Variants in IRGM observed in about 807,000 individuals in gnomAD.
IRGM encodes the protein immunity related GTPase M, also known as immunity-related GTPase family M protein.
For missense variants in IRGM, 288 were observed against 219.9 expected (o/e 1.31, Z -1.96); for synonymous variants, 98 against 80.6 (o/e 1.22, Z -1.16).
At chr5:150,878,689 AT>A (rs1269325704) in intron 2 of IRGM, among the ~76,000 whole-genome samples, 1 of 152,026 alleles carries the variant, frequency 6.6e-6, no homozygotes, top group Non-Finnish European at 1.5e-5. Flanking sequence ...GTGCATCCAA[AT>A]ATGTATATTT....
chr5:150,900,664 G>GTACT (rs1457381915), exon 4 of IRGM: 1 of 151,886 alleles, frequency 6.6e-6, no homozygotes, highest in Non-Finnish European at 1.5e-5. Context: ...CATATACTGG[G>GTACT]TACTTAAGAA....
chr5:150,868,586 G>T (rs1236794461), intron 1 of IRGM, among the ~76,000 whole-genome samples: 1 of 152,088 alleles, frequency 6.6e-6, no homozygotes, highest in African/African-American at 2.4e-5. Flanking sequence ...TCACAATATT[G>T]ATTCCAGCCA....
At chr5:150,896,645 A>T in intron 3 of IRGM, 1 of 1,613,558 alleles carries the variant, frequency 6.2e-7, no homozygotes, top group Non-Finnish European at 8.5e-7. Context: ...TCGGTAGGTC[A>T]ATATTTGGTT....
chr5:150,869,264 T>C (rs1178096449), intron 1 of IRGM, among the ~76,000 whole-genome samples: 1 of 152,204 alleles, frequency 6.6e-6, no homozygotes. Flanking sequence ...TAATTCTGTT[T>C]ATGTGGTGTA....
At chr5:150,851,398 A>T (rs1021887050), downstream of IRGM, among the ~76,000 whole-genome samples, 1 of 152,228 alleles carries the variant, frequency 6.6e-6, no homozygotes, top group Non-Finnish European at 1.5e-5. Flanking sequence ...GCAATTTAGC[A>T]TAAATAAGAG....
chr5:150,876,170 G>A (rs1196318540), intron 1 of IRGM, among the ~76,000 whole-genome samples: 2 of 152,214 alleles, frequency 1.3e-5, no homozygotes, highest in African/African-American at 4.8e-5. Flanking sequence ...CCAACTATGT[G>A]ACAATACTTT....
chr5:150,881,641 A>G (rs1397830421), intron 3 of IRGM, among the ~76,000 whole-genome samples: 1 of 152,186 alleles, frequency 6.6e-6, no homozygotes, highest in East Asian at 1.9e-4. Context: ...GTTAAAAGAT[A>G]AAATTATTAA....
intron 3 of IRGM, among the ~76,000 whole-genome samples, chr5:150,890,673 G>A (rs1259972213): frequency 1.3e-5 from 2 of 151,884 alleles, no homozygotes; most frequent in African/African-American, 4.8e-5. Context: ...TTTTCATTAA[G>A]TTCAAAATGC....
chr5:150,883,988 A>G (rs552133263), intron 3 of IRGM, among the ~76,000 whole-genome samples: 1 of 152,184 alleles, frequency 6.6e-6, no homozygotes, highest in East Asian at 1.9e-4. Flanking sequence ...AAAAATCCTC[A>G]ACAAAATACC....
intron 3 of IRGM, among the ~76,000 whole-genome samples, chr5:150,888,519 C>T (rs1304143835): frequency 6.6e-6 from 1 of 152,014 alleles, no homozygotes; most frequent in Non-Finnish European, 1.5e-5. Flanking sequence ...CTTCTCATTG[C>T]CACATGGTGC....
intron 1 of IRGM, among the ~76,000 whole-genome samples, chr5:150,874,175 A>G (rs779911176): frequency 6.6e-6 from 1 of 152,228 alleles, no homozygotes; most frequent in Non-Finnish European, 1.5e-5. Flanking sequence ...TAGCAAGGCC[A>G]GCAATATCCT....
Position 150,895,615 on chromosome 5 carries a change from T to C in IRGM, c.*141-4974T>C. 6.2e-7 allele frequency: 1 copy of C among 1,613,392 alleles called. No individual in the cohort carries two copies. On this transcript the variant is annotated intron_variant and NMD_transcript_variant, in intron 3 of 3. Transcript: ENST00000520549. ...ATGTAAGGTTTCTCTCCTGTATGAA[T>C]TCGCTGGTGTCCCGGAAGGTGGGAC...
In IRGM at chr5:150,848,283, C is replaced by A; in HGVS notation, c.160C>A (p.Arg54=). 6.4e-7 allele frequency: 1 copy of A among 1,551,802 alleles called. No individual in the cohort carries two copies. The highest frequency in any genetic ancestry group is 8.7e-7 in the Non-Finnish European group (1 of 1,146,988). ...NGMSTFISAL[R]NTGHEGKASP... ...GATGTCCACCTTCATCAGTGCCCTT[C>A]GAAACACAGGACATGAGGGTAAGGC... The change falls in exon 2 of 2, where the codon CGA becomes AGA. Residue 54 remains arginine (R), a synonymous_variant. Transcript: ENST00000522154.
chr5:150,847,877 A>G lies in IRGM; in HGVS notation c.-247A>G. The G allele has an allele frequency of 2.1e-6, 1 of 469,118 alleles. No individual in the cohort carries two copies. Among genetic ancestry groups the G allele is most frequent in the East Asian group, 3.9e-5 (1 of 25,736 alleles). 29.1% of individuals were successfully genotyped at this position (469,118 alleles called of 1,614,324 possible). A position where few individuals can be genotyped will look rare whatever the true frequency, so the allele number is the denominator to read the frequency against. ...GAGTGCAATGGCGTGATCTCAGCTC[A>G]CTGCAATATCTGCGTCCAGGGTTCA... On this transcript the variant is annotated 5_prime_UTR_variant, in exon 2 of 2. Coordinates refer to ENST00000522154, the MANE Select transcript of IRGM (RefSeq NM_001145805.2).
At chr5:150,896,643 T>C (rs773703511) in intron 3 of IRGM, 1 of 1,613,476 alleles carries the variant, frequency 6.2e-7, no homozygotes, top group South Asian at 1.1e-5. Context: ...ACTCGGTAGG[T>C]CAATATTTGG....
chr5:150,864,792 A>C (rs1006158945), intron 1 of IRGM, among the ~76,000 whole-genome samples: 13 of 152,234 alleles, frequency 8.5e-5, no homozygotes, highest in South Asian at 2.1e-4. Context: ...ATGCAATTTC[A>C]ATGGGTGTTT....
At chr5:150,885,035 G>A (rs570043613) in intron 3 of IRGM, among the ~76,000 whole-genome samples, 1 of 152,044 alleles carries the variant, frequency 6.6e-6, no homozygotes, top group East Asian at 1.9e-4. Context: ...CTTCCAGAAT[G>A]TTTATAGTTT....
At chr5:150,896,992 C>T (rs1754815125) in intron 3 of IRGM, 2 of 1,580,814 alleles carry the variant, frequency 1.3e-6, no homozygotes, top group East Asian at 4.5e-5. Flanking sequence ...AGAAAAGATA[C>T]AATTTAAGAG....
intron 1 of IRGM, among the ~76,000 whole-genome samples, chr5:150,873,541 A>G (rs1301649593): frequency 1.3e-5 from 2 of 152,220 alleles, no homozygotes; most frequent in African/African-American, 2.4e-5. Context: ...CTGAGCTGAC[A>G]CTGATTTCAG....
Sources: allele counts gnomAD v4.1 joint callset (sites outside exome capture counted in the v4.1 genomes callset), GRCh38; gene constraint gnomAD v4.1.1; transcripts MANE v1.5; gene names NCBI Gene and HGNC (gene_info 2026-07-23, HGNC 2026-07-21).